MAGI1: variants seen among roughly 807,000 people sequenced by gnomAD.
The protein encoded by MAGI1 is membrane associated guanylate kinase, WW and PDZ domain containing 1.
MAGI1 carries 58 observed loss-of-function variants against 139.9 expected under a neutral mutation model. The observed-to-expected ratio is 0.41, with a 90% CI of 0.34 to 0.52. The LOEUF is 0.52. MAGI1 is among the 20% of genes least tolerant of loss of function. MAGI1 has a pLI of 0.12. For synonymous variants in MAGI1, 812 were observed against 737.9 expected (o/e 1.10, Z -1.63); for missense variants, 1,874 against 1,901.6 (o/e 0.99, Z 0.27).
At position 65,637,551 on chromosome 3, in the gene MAGI1, C is replaced by T. The variant is rs548494646; in HGVS notation, c.314-15463G>A. ...CCTAGGTGACATTGAGACCCTGTCT[C>T]CAAAAAAAGAAAGAAAGAAAGAAAG... is the stretch of plus-strand genomic sequence containing the variant. On this transcript the variant is annotated intron_variant, in intron 1 of 22. Transcript: ENST00000402939. 1.7e-4 allele frequency among the ~76,000 whole-genome samples: 16 copies of T among 94,530 alleles called. No homozygotes were observed. In the South Asian group the frequency reaches 5.1e-3, roughly 30 times the overall value. 62.0% of individuals were successfully genotyped at this position (94,530 alleles called of 152,430 possible). A position where few individuals can be genotyped will look rare whatever the true frequency, so the allele number is the denominator to read the frequency against.
chr3:65,811,881 T>G (rs1448719150), intron 1 of MAGI1, among the ~76,000 whole-genome samples: 2 of 152,002 alleles, frequency 1.3e-5, no homozygotes, highest in East Asian at 3.9e-4. Flanking sequence ...ATAAATAACA[T>G]GTATAATCTA....
chr3:65,506,103 G>A (rs551044340), intron 2 of MAGI1, among the ~76,000 whole-genome samples: 1 of 152,252 alleles, frequency 6.6e-6, no homozygotes, highest in East Asian at 1.9e-4. Context: ...GCAGTCCAGA[G>A]AAACTGTTAA....
intron 1 of MAGI1, among the ~76,000 whole-genome samples, chr3:65,625,755 T>C (rs1009092382): frequency 6.6e-6 from 1 of 152,216 alleles, no homozygotes; most frequent in Non-Finnish European, 1.5e-5. Context: ...ACCAAATTTA[T>C]TCTATTGGCT....
intron 2 of MAGI1, among the ~76,000 whole-genome samples, chr3:65,588,238 G>A (rs2081789536): frequency 6.6e-6 from 1 of 152,158 alleles, no homozygotes; most frequent in African/African-American, 2.4e-5. Flanking sequence ...CAAGAATATA[G>A]ATAGTCAGTT....
At chr3:65,927,045 A>G (rs1032172250) in intron 1 of MAGI1, among the ~76,000 whole-genome samples, 2 of 152,176 alleles carry the variant, frequency 1.3e-5, no homozygotes, top group African/African-American at 4.8e-5. Flanking sequence ...GGAATTGCCC[A>G]CCCCTTCCCT....
At chr3:65,682,237 C>A (rs1456415515) in intron 1 of MAGI1, among the ~76,000 whole-genome samples, 1 of 152,152 alleles carries the variant, frequency 6.6e-6, no homozygotes, top group African/African-American at 2.4e-5. Flanking sequence ...CCAGTGACAA[C>A]AAGCAGCCCA....
At chr3:65,597,871 G>GC (rs1157341314) in intron 2 of MAGI1, 2 of 438,668 alleles carry the variant, frequency 4.6e-6, no homozygotes, top group African/African-American at 4.4e-5. Flanking sequence ...GCCTGAAACC[G>GC]CCTCCCACCA....
intron 5 of MAGI1, among the ~76,000 whole-genome samples, chr3:65,461,375 C>T (rs1451067485): frequency 6.6e-6 from 1 of 152,002 alleles, no homozygotes; most frequent in Non-Finnish European, 1.5e-5. Flanking sequence ...GCCAATACAC[C>T]CGCCTAGTTT....
rs1412166820 is a variant in MAGI1, at chr3:65,375,772, CTG to C, written c.3167_3168del (p.Thr1056SerfsTer10). The C allele has an allele frequency of 6.2e-7, 1 of 1,613,808 alleles. No individual in the cohort carries two copies. Among genetic ancestry groups the C allele is most frequent in the Non-Finnish European group, 8.5e-7 (1 of 1,179,812 alleles). On this transcript the variant is annotated frameshift_variant, in exon 18 of 23. Coordinates refer to ENST00000402939, the MANE Select transcript of MAGI1 (RefSeq NM_001033057.2). LOFTEE classifies it high-confidence loss of function. ...IVNLIKEAGN[T>X]VTLRIIPGDE... ...TCCCCAGGAATGATGCGGAGGGTAA[CTG>C]TGTTTCCCGCTTCCTTGATTAGGTT... is the stretch of plus-strand genomic sequence containing the variant.
At chr3:65,686,918 G>A (rs1310691486) in intron 1 of MAGI1, among the ~76,000 whole-genome samples, 2 of 152,152 alleles carry the variant, frequency 1.3e-5, no homozygotes, top group African/African-American at 4.8e-5. Context: ...CAACAGCAAG[G>A]TCTTTCTGGT....
At chr3:65,465,742 C>A (rs1255650803) in intron 5 of MAGI1, among the ~76,000 whole-genome samples, 2 of 152,172 alleles carry the variant, frequency 1.3e-5, no homozygotes, top group Admixed American at 1.3e-4. Flanking sequence ...CTTATTGAAT[C>A]TGTAGGTTTA....
At chr3:65,901,890 CAGA>C (rs1042900379) in intron 1 of MAGI1, among the ~76,000 whole-genome samples, 7 of 152,176 alleles carry the variant, frequency 4.6e-5, no homozygotes, top group Non-Finnish European at 7.4e-5. Context: ...TATTTTGCTG[CAGA>C]AAATACTTAC....
intron 13 of MAGI1, among the ~76,000 whole-genome samples, chr3:65,400,804 T>C (rs964564483): frequency 1.5e-5 from 2 of 129,036 alleles, no homozygotes; most frequent in African/African-American, 5.8e-5. Flanking sequence ...ATCCTATACC[T>C]GCAGCATAAT....
intron 2 of MAGI1, among the ~76,000 whole-genome samples, chr3:65,593,196 T>C (rs1383902599): frequency 1.3e-5 from 2 of 152,106 alleles, no homozygotes; most frequent in African/African-American, 4.8e-5. Context: ...CAGGTCACTA[T>C]CTATAATCAT....
chr3:65,454,312 A>G (rs904073908), intron 5 of MAGI1, among the ~76,000 whole-genome samples: 6 of 150,178 alleles, frequency 4.0e-5, no homozygotes, highest in Non-Finnish European at 5.9e-5. Flanking sequence ...ATTCTCACTC[A>G]TAGGTGGGAA....
Position 65,391,210 on chromosome 3 carries a change from C to T in MAGI1, c.2348G>A (p.Ser783Asn). Residue 783 changes from serine to asparagine, a missense_variant, in exon 14 of 23, where the codon AGC becomes AAC. By Grantham distance (46) the Ser-to-Asn change is conservative. Coordinates refer to ENST00000402939, the MANE Select transcript of MAGI1 (RefSeq NM_001033057.2). ...AEAQAPDQTDSSGQKKPDPFK... is the reference protein window; with the variant it reads ...AEAQAPDQTDNSGQKKPDPFK... Reference sequence around the variant, plus strand: ...AGGATCTGGTTTTTTCTGGCCAGAGCTGTCAGTTTGATCTGGAGCTTGGGC... The same window carrying T: ...AGGATCTGGTTTTTTCTGGCCAGAGTTGTCAGTTTGATCTGGAGCTTGGGC... 6 of 1,614,196 alleles carry T rather than the reference C, an allele frequency of 3.7e-6. No individual in the cohort carries two copies. The highest frequency in any genetic ancestry group is 5.1e-6 in the Non-Finnish European group (6 of 1,180,046).
At chr3:65,594,798 G>A (rs1261310698) in intron 2 of MAGI1, among the ~76,000 whole-genome samples, 9 of 152,130 alleles carry the variant, frequency 5.9e-5, no homozygotes, top group African/African-American at 1.4e-4. Flanking sequence ...TGATGGGGGG[G>A]TGTCTTTTGA....
intron 1 of MAGI1, among the ~76,000 whole-genome samples, chr3:65,858,269 T>C (rs2059434128): frequency 1.3e-5 from 2 of 152,190 alleles, no homozygotes; most frequent in Admixed American, 6.5e-5. Context: ...TGACATAATA[T>C]GGTAAGTTGA....
At chr3:65,916,471 G>A (rs1013423133) in intron 1 of MAGI1, among the ~76,000 whole-genome samples, 12 of 152,140 alleles carry the variant, frequency 7.9e-5, no homozygotes, top group Non-Finnish European at 1.2e-4. Flanking sequence ...CACACCTTAC[G>A]TGGTGGCACA....
Sources: allele counts gnomAD v4.1 joint callset (sites outside exome capture counted in the v4.1 genomes callset), GRCh38; gene constraint gnomAD v4.1.1; transcripts MANE v1.5; gene names NCBI Gene and HGNC (gene_info 2026-07-23, HGNC 2026-07-21).